The following FGF14 variants were observed in gnomAD, a reference collection of about 807,000 sequenced individuals.
The protein encoded by FGF14 is fibroblast growth factor 14, also known as fibroblast growth factor homologous factor 4.
In FGF14, 5 loss-of-function variants were observed where a neutral mutation model predicts 25.5. The ratio of observed to expected loss-of-function variants is 0.20; its 90% CI spans 0.10 to 0.41. FGF14 has a LOEUF of 0.41. Among genes scored for constraint, FGF14 ranks in the 10% least tolerant of loss-of-function variants. FGF14 has a pLI of 1.00. For missense variants in FGF14, 222 were observed against 320.1 expected, an observed-to-expected ratio of 0.69 and a Z score of 2.34; for synonymous variants, 138 against 118.3, an observed-to-expected ratio of 1.17 and a Z score of -1.08.
At chr13:102,052,543 G>A (rs2042258560) in intron 1 of FGF14, among the ~76,000 whole-genome samples, 1 of 151,612 alleles carries the variant, frequency 6.6e-6, no homozygotes, top group African/African-American at 2.4e-5. Context: ...AGAAAAAAAA[G>A]CAAATCATAT....
At chr13:102,252,188 G>T (rs1474349629) in intron 1 of FGF14, among the ~76,000 whole-genome samples, 1 of 152,174 alleles carries the variant, frequency 6.6e-6, no homozygotes, top group Admixed American at 6.5e-5. Flanking sequence ...GGAAGAACTG[G>T]AGCAGGACAC....
At chr13:102,370,578 C>A (rs1363258368) in intron 1 of FGF14, among the ~76,000 whole-genome samples, 1 of 151,980 alleles carries the variant, frequency 6.6e-6, no homozygotes, top group Non-Finnish European at 1.5e-5. Flanking sequence ...TAAATGATAA[C>A]AATCACAGGG....
chr13:102,228,408 C>T (rs1271589166), intron 1 of FGF14, among the ~76,000 whole-genome samples: 1 of 152,136 alleles, frequency 6.6e-6, no homozygotes. Flanking sequence ...CCCTCTGCCC[C>T]TTAAACTTAC....
chr13:102,201,100 CTCAAAA>C (rs2049615416), intron 1 of FGF14, among the ~76,000 whole-genome samples: 1 of 52,694 alleles, frequency 1.9e-5, no homozygotes, highest in African/African-American at 8.7e-5. Context: ...GACTCCGTCT[CTCAAAA>C]AAAAAAAAAA....
intron 1 of FGF14, among the ~76,000 whole-genome samples, chr13:101,887,694 C>T (rs901303502): frequency 4.6e-5 from 7 of 151,964 alleles, no homozygotes; most frequent in Non-Finnish European, 7.4e-5. Flanking sequence ...CTATAGTTAG[C>T]AATAATTTAT....
chr13:101,772,610 G>A (rs1367574655), intron 3 of FGF14, among the ~76,000 whole-genome samples: 7 of 152,102 alleles, frequency 4.6e-5, no homozygotes, highest in South Asian at 4.1e-4. Context: ...AGTTTAAAAC[G>A]ACAGGAATAA....
intron 1 of FGF14, among the ~76,000 whole-genome samples, chr13:102,282,668 T>A (rs2053903885): frequency 6.6e-6 from 1 of 152,122 alleles, no homozygotes. Context: ...CACATACCTA[T>A]GAAGCCCATA....
intron 1 of FGF14, among the ~76,000 whole-genome samples, chr13:102,059,611 G>A (rs988056701): frequency 6.6e-5 from 10 of 152,230 alleles, no homozygotes; most frequent in African/African-American, 2.4e-4. Flanking sequence ...AGCACTTTGG[G>A]AGGCCGAGGC....
chr13:101,851,609 C>T (rs1052681552), intron 3 of FGF14, among the ~76,000 whole-genome samples: 1 of 152,012 alleles, frequency 6.6e-6, no homozygotes, highest in African/African-American at 2.4e-5. Context: ...GATTCAAAAG[C>T]GAGGGACTTC....
At chr13:101,986,792 C>A (rs539170225) in intron 1 of FGF14, among the ~76,000 whole-genome samples, 1 of 152,102 alleles carries the variant, frequency 6.6e-6, no homozygotes, top group Non-Finnish European at 1.5e-5. Flanking sequence ...ATCCCCCAAC[C>A]AAAATCTATT....
rs1223715926 is a variant in FGF14 at position 102,384,674 on chromosome 13, G to GA, written c.208+16796dup. ...TTACTGTACCCTACAATACTAATCA[G>GA]AAAAAAAACTGTTAAATGTTACCCT... On this transcript the variant is annotated intron_variant, in intron 1 of 4. Coordinates refer to the FGF14 transcript ENST00000376131. 2.0e-5 allele frequency among the ~76,000 whole-genome samples: 3 copies of GA among 151,586 alleles called. No individual in the cohort carries two copies. In the East Asian group the frequency reaches 5.8e-4, roughly 29 times the overall value.
chr13:102,294,908 C>T (rs546945717), intron 1 of FGF14, among the ~76,000 whole-genome samples: 1 of 152,252 alleles, frequency 6.6e-6, no homozygotes, highest in Non-Finnish European at 1.5e-5. Context: ...GCACTTAGAA[C>T]AATGTCTGGC....
chr13:102,117,021 C>A (rs2045504995), intron 1 of FGF14, among the ~76,000 whole-genome samples: 1 of 152,282 alleles, frequency 6.6e-6, no homozygotes, highest in Non-Finnish European at 1.5e-5. Context: ...TCCTTGGGAA[C>A]CTCATGCCAG....
chr13:102,240,707 T>C (rs2141026360), intron 1 of FGF14, among the ~76,000 whole-genome samples: 1 of 152,274 alleles, frequency 6.6e-6, no homozygotes, highest in East Asian at 1.9e-4. Context: ...AGAGTATAAT[T>C]GGAATGTTTG....
At chr13:101,745,959 A>G (rs2036860854) in intron 3 of FGF14, among the ~76,000 whole-genome samples, 2 of 152,080 alleles carry the variant, frequency 1.3e-5, no homozygotes, top group Non-Finnish European at 2.9e-5. Context: ...TGATTCATTT[A>G]TAGTGTCCTA....
chr13:102,377,682 T>C (rs750987867), intron 1 of FGF14, among the ~76,000 whole-genome samples: 1 of 151,950 alleles, frequency 6.6e-6, no homozygotes, highest in Admixed American at 6.6e-5. Context: ...GTGGCACATG[T>C]CTATAATCCC....
In FGF14 at chr13:102,069,534, G is replaced by A. The variant is rs148935157; in HGVS notation, c.209-194238C>T. Among the ~76,000 whole-genome samples, 813 of 152,196 alleles carry A rather than the reference G, an allele frequency of 5.3e-3. 6 individuals carry two copies. Among genetic ancestry groups the A allele is most frequent in the African/African-American group, 0.018 (764 of 41,532 alleles). The stretch of plus-strand genomic sequence containing the variant: ...CCACGCTGCTTTTATGAGCTGTAAC[G>A]CTCACCAGGAAGATCTGCAGCTTCA... On this transcript the variant is annotated intron_variant, in intron 1 of 4. Transcript: ENST00000376131.
At chr13:102,173,105 C>A (rs2048313680) in intron 1 of FGF14, among the ~76,000 whole-genome samples, 1 of 151,886 alleles carries the variant, frequency 6.6e-6, no homozygotes, top group South Asian at 2.1e-4. Flanking sequence ...AGGCTAATAT[C>A]CAAAATATAT....
intron 1 of FGF14, among the ~76,000 whole-genome samples, chr13:102,050,036 T>C (rs542017217): frequency 6.6e-6 from 1 of 152,306 alleles, no homozygotes; most frequent in South Asian, 2.1e-4. Flanking sequence ...ACTAATACAA[T>C]GACGTTGTTT....
Sources: allele counts gnomAD v4.1 joint callset (sites outside exome capture counted in the v4.1 genomes callset), GRCh38; gene constraint gnomAD v4.1.1; transcripts MANE v1.5; gene names NCBI Gene and HGNC (gene_info 2026-07-23, HGNC 2026-07-21).